KCND2: variants seen among roughly 807,000 people sequenced by gnomAD.
The protein encoded by KCND2 is potassium voltage-gated channel subfamily D member 2.
A neutral mutation model predicts 54.4 loss-of-function variants in KCND2; 16 were observed. The ratio of observed to expected loss-of-function variants is 0.29; its 90% CI spans 0.20 to 0.45. The LOEUF (loss-of-function observed/expected upper bound fraction) is 0.45, where lower values mean the gene tolerates loss of function less well. Ranked by LOEUF, KCND2 falls within the 20% of genes least tolerant of loss-of-function variation. The pLI, the probability that KCND2 is intolerant of heterozygous loss-of-function variation, is 1.00. For missense variants in KCND2, 486 were observed against 824.2 expected (o/e 0.59, Z 5.02); for synonymous variants, 317 against 310.7 (o/e 1.02, Z -0.21).
chr7:120,323,416 T>C (rs1799923997), intron 1 of KCND2, among the ~76,000 whole-genome samples: 1 of 152,018 alleles, frequency 6.6e-6, no homozygotes, highest in Non-Finnish European at 1.5e-5. Context: ...TCATCTAGCA[T>C]TAGGTGTATC....
chr7:120,478,593 G>T (rs754815871), intron 1 of KCND2, among the ~76,000 whole-genome samples: 4 of 151,988 alleles, frequency 2.6e-5, no homozygotes, highest in Non-Finnish European at 5.9e-5. Context: ...GAAAAATGAA[G>T]AACTTTTTTA....
chr7:120,683,754 A>T (rs1056396499), intron 1 of KCND2, among the ~76,000 whole-genome samples: 1 of 152,316 alleles, frequency 6.6e-6, no homozygotes, highest in Admixed American at 6.5e-5. Flanking sequence ...AAATAGAAAA[A>T]TAAAGGATTA....
At chr7:120,315,737 C>G (rs572763583) in intron 1 of KCND2, among the ~76,000 whole-genome samples, 276 of 149,188 alleles carry the variant, frequency 1.9e-3, no homozygotes, top group Non-Finnish European at 2.9e-3. Context: ...CAGTGAGACA[C>G]GAAATGTTTT....
chr7:120,588,524 A>G (rs1792629613), intron 1 of KCND2, among the ~76,000 whole-genome samples: 1 of 151,730 alleles, frequency 6.6e-6, no homozygotes, highest in Non-Finnish European at 1.5e-5. Context: ...TTGAAATAGA[A>G]TCTAATGGAA....
intron 1 of KCND2, among the ~76,000 whole-genome samples, chr7:120,519,416 C>T (rs1791659326): frequency 6.6e-6 from 1 of 152,078 alleles, no homozygotes; most frequent in Non-Finnish European, 1.5e-5. Context: ...TGACAGCCAG[C>T]AAGGAAACAG....
chr7:120,684,234 C>T (rs1327423824), intron 1 of KCND2, among the ~76,000 whole-genome samples: 5 of 152,024 alleles, frequency 3.3e-5, no homozygotes, highest in Non-Finnish European at 5.9e-5. Context: ...AGCAAGTTCA[C>T]GTTTGCTAAA....
intron 1 of KCND2, among the ~76,000 whole-genome samples, chr7:120,538,933 A>C (rs1791945229): frequency 6.6e-6 from 1 of 152,176 alleles, no homozygotes; most frequent in African/African-American, 2.4e-5. Context: ...GTTTTATAGT[A>C]AAGGAAACAC....
chr7:120,416,256 T>G (rs1209021801), intron 1 of KCND2, among the ~76,000 whole-genome samples: 1 of 152,220 alleles, frequency 6.6e-6, no homozygotes, highest in Non-Finnish European at 1.5e-5. Context: ...CCAGCTACAT[T>G]GGCCTTTAAT....
At chr7:120,467,315 T>C (rs1422340244) in intron 1 of KCND2, among the ~76,000 whole-genome samples, 1 of 152,138 alleles carries the variant, frequency 6.6e-6, no homozygotes, top group Non-Finnish European at 1.5e-5. Context: ...AGACTGTCCT[T>C]TCCATCAGTT....
chr7:120,439,259 T>G lies in KCND2; in HGVS notation c.1115+163512T>G, dbSNP rs200890178. 1.1e-4 allele frequency among the ~76,000 whole-genome samples: 16 copies of G among 152,182 alleles called. No individual in the cohort carries two copies. The East Asian group carries it at 2.9e-3, about 28-fold the overall frequency. On this transcript the variant is annotated intron_variant, in intron 1 of 5. Coordinates refer to ENST00000331113, the MANE Select transcript of KCND2 (RefSeq NM_012281.3). ...CAATTAAACTAGGATTTAAATTGGTTTTCACTCAGAATATCTTCACCTAGT... is the reference window on the plus strand; with the variant it reads ...CAATTAAACTAGGATTTAAATTGGTGTTCACTCAGAATATCTTCACCTAGT...
chr7:120,361,386 GCTCT>G (rs1051429090), intron 1 of KCND2, among the ~76,000 whole-genome samples: 9 of 149,766 alleles, frequency 6.0e-5, no homozygotes, highest in Middle Eastern at 3.5e-3. Context: ...GTTCTCTCTC[GCTCT>G]CTCTCTCTCT....
chr7:120,475,129 A>T lies in KCND2; in HGVS notation c.1115+199382A>T, dbSNP rs73435875. Among the ~76,000 whole-genome samples the T allele has an allele frequency of 9.6e-3, 1,460 of 152,334 alleles. 22 individuals are homozygous for T. The highest frequency in any genetic ancestry group is 0.034 in the Middle Eastern group (10 of 294). Reference sequence around the variant, plus strand: ...ACTGCCTTCAGACCTTTTTGTTCAGAAAAGTCTTGTGTTCACAAAGGCAAA... The same window carrying T: ...ACTGCCTTCAGACCTTTTTGTTCAGTAAAGTCTTGTGTTCACAAAGGCAAA... On this transcript the variant is annotated intron_variant, in intron 1 of 5. Transcript: ENST00000331113.
chr7:120,509,781 C>T (rs1347128195), intron 1 of KCND2, among the ~76,000 whole-genome samples: 1 of 152,022 alleles, frequency 6.6e-6, no homozygotes, highest in Non-Finnish European at 1.5e-5. Context: ...TTCATGTACT[C>T]GAAATGGATT....
At chr7:120,680,675 C>A (rs1792128157) in intron 1 of KCND2, among the ~76,000 whole-genome samples, 1 of 152,040 alleles carries the variant, frequency 6.6e-6, no homozygotes, top group Non-Finnish European at 1.5e-5. Flanking sequence ...CCTTTCATTA[C>A]AGTAAATATT....
At chr7:120,380,103 A>G (rs1377894433) in intron 1 of KCND2, among the ~76,000 whole-genome samples, 1 of 152,110 alleles carries the variant, frequency 6.6e-6, no homozygotes, top group Non-Finnish European at 1.5e-5. Context: ...ATAAAGTTAT[A>G]GCAAGTATCG....
chr7:120,352,465 C>CGT (rs1563019086), intron 1 of KCND2, among the ~76,000 whole-genome samples: 9 of 131,118 alleles, frequency 6.9e-5, no homozygotes, highest in South Asian at 2.3e-4. Context: ...TACATACACA[C>CGT]ACACACACAC....
chr7:120,707,119 G>A (rs1792478515), intron 1 of KCND2, among the ~76,000 whole-genome samples: 1 of 152,090 alleles, frequency 6.6e-6, no homozygotes, highest in South Asian at 2.1e-4. Flanking sequence ...ACTATCAGGA[G>A]AGAACTTCTT....
chr7:120,340,578 C>T (rs1800226036), intron 1 of KCND2, among the ~76,000 whole-genome samples: 4 of 152,102 alleles, frequency 2.6e-5, no homozygotes, highest in African/African-American at 7.2e-5. Flanking sequence ...ATTAGTGTGG[C>T]GTCATGGAAG....
chr7:120,329,145 G>A (rs1023491489), intron 1 of KCND2, among the ~76,000 whole-genome samples: 4 of 148,030 alleles, frequency 2.7e-5, no homozygotes, highest in Non-Finnish European at 1.5e-5. Flanking sequence ...TTTGGAGATG[G>A]AGTTTCACTC....
Sources: allele counts gnomAD v4.1 joint callset (sites outside exome capture counted in the v4.1 genomes callset), GRCh38; gene constraint gnomAD v4.1.1; transcripts MANE v1.5; gene names NCBI Gene and HGNC (gene_info 2026-07-23, HGNC 2026-07-21).